The following CCDC7 variants were observed in gnomAD, a reference collection of about 807,000 sequenced individuals.
CCDC7 encodes the protein coiled-coil domain-containing protein 7.
A neutral mutation model predicts 196.9 loss-of-function variants in CCDC7; 183 were observed. The ratio of observed to expected loss-of-function variants is 0.93; its 90% CI spans 0.82 to 1.05. The LOEUF is 1.05. Ranked by LOEUF, CCDC7 falls within the 50% of genes least tolerant of loss-of-function variation. The probability of loss-of-function intolerance (pLI) is 0.00; values close to 1 mark genes in which losing one functional copy is unlikely to be tolerated. For missense variants in CCDC7, 1,540 were observed against 1,482.2 expected (o/e 1.04, Z -0.64); for synonymous variants, 525 against 484.6 (o/e 1.08, Z -1.10).
At chr10:32,518,123 G>A in intron 10 of CCDC7, 148 bp downstream of exon 11, 1 of 1,082,346 alleles carries the variant, frequency 9.2e-7, no homozygotes, top group Non-Finnish European at 1.3e-6. Flanking sequence ...GAACTTTCTG[G>A]AAAGCCTTGT....
intron 18 of CCDC7, among the ~76,000 whole-genome samples, chr10:32,612,473 G>A (rs1375039518): frequency 1.3e-5 from 2 of 152,144 alleles, no homozygotes; most frequent in Admixed American, 6.5e-5. Flanking sequence ...GGAGTGGTGA[G>A]AGAGGGCATC....
At chr10:32,652,726 A>T (rs866536950) in intron 20 of CCDC7, among the ~76,000 whole-genome samples, 2 of 152,174 alleles carry the variant, frequency 1.3e-5, no homozygotes, top group Non-Finnish European at 2.9e-5. Flanking sequence ...TGACTTTTAG[A>T]TATCTCAATT....
chr10:32,710,932 T>C (rs1306436370), intron 24 of CCDC7, among the ~76,000 whole-genome samples: 2 of 152,164 alleles, frequency 1.3e-5, no homozygotes. Context: ...GGTCACTGAC[T>C]CCATTAATGT....
chr10:32,670,915 G>A (rs11009026), intron 21 of CCDC7, among the ~76,000 whole-genome samples: 13,431 of 151,676 alleles, frequency 0.089, 860 homozygotes, highest in East Asian at 0.33. Flanking sequence ...TTGTTTATTT[G>A]GGATCTTTTA....
chr10:32,753,246 T>C (rs1565396805), intron 28 of CCDC7, among the ~76,000 whole-genome samples: 1 of 152,092 alleles, frequency 6.6e-6, no homozygotes, highest in South Asian at 2.1e-4. Context: ...GTGTGTAAAA[T>C]ATTAGCAAAT....
intron 18 of CCDC7, among the ~76,000 whole-genome samples, chr10:32,592,584 T>C (rs1476611557): frequency 6.6e-6 from 1 of 152,226 alleles, no homozygotes; most frequent in Non-Finnish European, 1.5e-5. Context: ...AGTTCTAGGG[T>C]ACATGTGCAT....
At chr10:32,858,985 C>T (rs561480509) in intron 41 of CCDC7, among the ~76,000 whole-genome samples, 2 of 152,194 alleles carry the variant, frequency 1.3e-5, no homozygotes, top group East Asian at 3.9e-4. Context: ...TTTAACAACC[C>T]CGTGTCAATA....
chr10:32,805,745 A>G (rs1592945458), intron 30 of CCDC7, among the ~76,000 whole-genome samples: 1 of 152,214 alleles, frequency 6.6e-6, no homozygotes, highest in South Asian at 2.1e-4. Context: ...GGTGGTTGTT[A>G]CATGCCCAAA....
At chr10:32,682,630 C>T (rs1358429270) in intron 21 of CCDC7, among the ~76,000 whole-genome samples, 2 of 152,162 alleles carry the variant, frequency 1.3e-5, no homozygotes, top group Non-Finnish European at 2.9e-5. Flanking sequence ...TAAAGCCTTC[C>T]TTTTTCTCTA....
chr10:32,820,293 C>T lies in CCDC7; in HGVS notation c.3182-4225C>T, dbSNP rs147066187. On this transcript the variant is annotated intron_variant, in intron 31 of 41. Coordinates refer to ENST00000639629, the Ensembl canonical transcript of CCDC7. ...CCTCTTCAAGGAGCACTACAAACTA[C>T]TGCTCAGTGAAATAAAAGAGGATAC... Among the ~76,000 whole-genome samples the T allele has an allele frequency of 1.8e-3, 267 of 152,308 alleles. 1 individual carries two copies. Among genetic ancestry groups the T allele is most frequent in the Non-Finnish European group, 3.2e-3 (217 of 68,032 alleles).
In CCDC7 at chr10:32,814,415, TA is replaced by T. The variant is rs2087915420; in HGVS notation, c.3146del (p.Lys1049ArgfsTer27). Reference sequence around the variant, plus strand: ...ACAGATGCATTTGGAAGAGATATACTAAAGGATGAATTCAAGACACGATCAA... The same window carrying T: ...ACAGATGCATTTGGAAGAGATATACTAAGGATGAATTCAAGACACGATCAA... On this transcript the variant is annotated frameshift_variant, in exon 31 of 42. Transcript: ENST00000639629. LOFTEE classifies it high-confidence loss of function. 1 of 1,612,270 alleles carries T rather than the reference TA, an allele frequency of 6.2e-7. No homozygotes were observed. Among genetic ancestry groups the T allele is most frequent in the Admixed American group, 1.7e-5 (1 of 59,998 alleles).
At chr10:32,518,075 C>A in intron 10 of CCDC7, 100 bp downstream of exon 11, 1 of 1,372,078 alleles carries the variant, frequency 7.3e-7, no homozygotes, top group Non-Finnish European at 9.7e-7. Context: ...AAGATCCAAT[C>A]CTTACTTAGT....
chr10:32,728,647 T>C (rs2083462241), intron 26 of CCDC7, among the ~76,000 whole-genome samples: 1 of 152,226 alleles, frequency 6.6e-6, no homozygotes, highest in Non-Finnish European at 1.5e-5. Context: ...ATTTTGATTA[T>C]GTATTAAAGT....
intron 16 of CCDC7, among the ~76,000 whole-genome samples, chr10:32,573,929 CT>C (rs937433843): frequency 1.3e-5 from 2 of 152,068 alleles, no homozygotes; most frequent in African/African-American, 4.8e-5. Flanking sequence ...GTAGGGCCGA[CT>C]AGACATGTAC....
intron 41 of CCDC7, among the ~76,000 whole-genome samples, chr10:32,856,350 C>A (rs2093752673): frequency 6.6e-6 from 1 of 152,038 alleles, no homozygotes; most frequent in Non-Finnish European, 1.5e-5. Flanking sequence ...ATATAGAGAC[C>A]TCCTACAACT....
intron 28 of CCDC7, among the ~76,000 whole-genome samples, chr10:32,731,708 G>A (rs2083994810): frequency 6.6e-6 from 1 of 152,094 alleles, no homozygotes; most frequent in Non-Finnish European, 1.5e-5. Context: ...ATGTGTCAGA[G>A]GTTTTATTGT....
At chr10:32,452,754 G>C (rs1358118015) in intron 1 of CCDC7, among the ~76,000 whole-genome samples, 1 of 152,154 alleles carries the variant, frequency 6.6e-6, no homozygotes, top group Non-Finnish European at 1.5e-5. Context: ...ACCATGCCTG[G>C]CTGAAACTTT....
intron 13 of CCDC7, among the ~76,000 whole-genome samples, chr10:32,545,694 T>A (rs559763870): frequency 1.3e-5 from 2 of 152,034 alleles, no homozygotes; most frequent in South Asian, 4.2e-4. Flanking sequence ...TCACTTGAGG[T>A]CAGGAGTTCG....
chr10:32,668,315 A>G (rs2073272407), intron 21 of CCDC7, among the ~76,000 whole-genome samples: 1 of 152,176 alleles, frequency 6.6e-6, no homozygotes, highest in Non-Finnish European at 1.5e-5. Context: ...TCATCTGCAA[A>G]CAGGAACAAT....
Sources: gnomAD v4.1 joint callset for allele counts (sites outside exome capture counted in the v4.1 genomes callset) on GRCh38, gnomAD v4.1.1 for gene constraint, MANE v1.5 for transcripts, NCBI Gene and HGNC (gene_info 2026-07-23, HGNC 2026-07-21) for gene names.